Variants in THAP5 observed in about 807,000 individuals in gnomAD.
The protein encoded by THAP5 is THAP domain containing 5.
Under a neutral mutation model 34.0 loss-of-function variants are expected in THAP5, and 26 were observed. The observed-to-expected ratio is 0.77, with a 90% CI of 0.56 to 1.06. The LOEUF is 1.06. THAP5 is among the 50% of genes least tolerant of loss of function. The probability of loss-of-function intolerance (pLI) is 0.00; values close to 1 mark genes in which losing one functional copy is unlikely to be tolerated. For missense variants in THAP5, 394 were observed against 452.8 expected, an observed-to-expected ratio of 0.87 and a Z score of 1.18; for synonymous variants, 125 against 153.0, an observed-to-expected ratio of 0.82 and a Z score of 1.35.
chr7:108,543,663 A>C, the THAP5 span, among the ~76,000 whole-genome samples: 1 of 152,186 alleles, frequency 6.6e-6, no homozygotes, highest in Non-Finnish European at 1.5e-5. Context: ...TCTAGGTCTG[A>C]AATATCTCCC....
At chr7:108,555,438 G>C (rs950158178) in intron 1 of THAP5, among the ~76,000 whole-genome samples, 7 of 152,132 alleles carry the variant, frequency 4.6e-5, no homozygotes, top group Admixed American at 3.9e-4. Context: ...AAAGTGCTGG[G>C]ATTGCAGGCG....
chr7:108,549,089 TACACACACACACACACAC>T, the THAP5 span, among the ~76,000 whole-genome samples: 48 of 136,506 alleles, frequency 3.5e-4, no homozygotes, highest in Admixed American at 3.2e-3. Context: ...ACATGCTTAA[TACACACACACACACACAC>T]ACACACACAC....
chr7:108,567,425 A>T (rs1490499769), intron 1 of THAP5, among the ~76,000 whole-genome samples: 2 of 152,124 alleles, frequency 1.3e-5, no homozygotes, highest in African/African-American at 4.8e-5. Flanking sequence ...ATGTATATGG[A>T]TGCTGTTTGC....
At chr7:108,565,135 A>G in intron 2 of THAP5, 30 bp from the exon 3 acceptor site, 1 of 1,455,330 alleles carries the variant, frequency 6.9e-7, no homozygotes, top group Non-Finnish European at 9.1e-7. Context: ...TGTTCTGAAA[A>G]AGATGACTTT....
In THAP5 at chr7:108,562,191, C is replaced by A. The variant is rs1864441009; in HGVS notation, c.*2000G>T. 1 of 152,122 alleles carries A rather than the reference C, an allele frequency of 6.6e-6. No individual in the cohort carries two copies. The highest frequency in any genetic ancestry group is 2.4e-5 in the African/African-American group (1 of 41,432). 9.4% of individuals were successfully genotyped at this position (152,122 alleles called of 1,614,324 possible). On this transcript the variant is annotated 3_prime_UTR_variant, in exon 3 of 3. Transcript: ENST00000415914. Reference sequence around the variant, plus strand: ...GCTAGTTTAAATTTTTTCTGAGGAACCTGTAACTTTCAGAAAATTACTACA... The same window carrying A: ...GCTAGTTTAAATTTTTTCTGAGGAAACTGTAACTTTCAGAAAATTACTACA...
At chr7:108,550,061 T>A (rs1173709819), downstream of THAP5, among the ~76,000 whole-genome samples, 4 of 152,348 alleles carry the variant, frequency 2.6e-5, no homozygotes, top group South Asian at 2.1e-4. Context: ...ACAGTTTTTT[T>A]ATTTTCTTTT....
In THAP5 at chr7:108,565,886, G is replaced by A. The variant is rs776572969; in HGVS notation, c.217C>T (p.Arg73Ter). 7 of 1,548,296 alleles carry A rather than the reference G, an allele frequency of 4.5e-6. No homozygotes were observed. The highest frequency in any genetic ancestry group is 2.4e-5 in the East Asian group (1 of 40,876). The change falls in exon 2 of 3, where the codon CGA (arginine) becomes TGA (stop). Residue 73 changes from arginine to a stop codon, truncating the protein, a stop_gained. Transcript: ENST00000415914. LOFTEE classifies it high-confidence loss of function. ...PDSLDIRWGI[R>*]YLKQTAVPTI... is the part of the protein sequence containing the mutation. ...GGAACTGCAGTTTGTTTTAAATATC[G>A]AATACCCCATCTGATGTCAAGAGAG...
intron 2 of THAP5, 68 bp downstream of exon 2, chr7:108,565,762 A>C: frequency 7.8e-7 from 1 of 1,283,884 alleles, no homozygotes; most frequent in Non-Finnish European, 1.0e-6. Context: ...TTACTCTCCC[A>C]CCTGATCACC....
Position 108,566,034 on chromosome 7 carries a change from A to T in THAP5, c.81-12T>A, listed in dbSNP as rs73193452. ...CATGTAGAGGAAATCTGGAATTTAA[A>T]AAAAAAAGAAGAAAAAAGGAAAAAC... On this transcript the variant is annotated splice_polypyrimidine_tract_variant and intron_variant, in intron 1 of 2. Coordinates refer to ENST00000415914, the MANE Select transcript of THAP5 (RefSeq NM_001130475.3). 0.017 allele frequency: 25,890 copies of T among 1,495,854 alleles called. 281 individuals are homozygous for T. The highest frequency in any genetic ancestry group is 0.021 in the Non-Finnish European group (23,392 of 1,126,968). The allele number at this position is 1,495,854 out of a possible 1,614,324, so 92.7% of individuals were successfully genotyped here. A position where few individuals can be genotyped will look rare whatever the true frequency, so the allele number is the denominator to read the frequency against.
downstream of THAP5, among the ~76,000 whole-genome samples, chr7:108,561,753 T>C (rs1411825230): frequency 2.0e-5 from 3 of 152,176 alleles, no homozygotes; most frequent in Non-Finnish European, 4.4e-5. Flanking sequence ...TGGTCATGAA[T>C]TTATAATCAA....
At position 108,566,031 on chromosome 7, in the gene THAP5, T is replaced by TAA; in HGVS notation, c.81-11_81-10dup. The TAA allele has an allele frequency of 3.0e-6, 4 of 1,317,672 alleles. No individual in the cohort carries two copies. The highest frequency in any genetic ancestry group is 2.9e-5 in the East Asian group (1 of 34,342). 81.6% of individuals were successfully genotyped at this position (1,317,672 alleles called of 1,614,324 possible). A position where few individuals can be genotyped will look rare whatever the true frequency, so the allele number is the denominator to read the frequency against. ...TGTCATGTAGAGGAAATCTGGAATT[T>TAA]AAAAAAAAAAGAAGAAAAAAGGAAA... On this transcript the variant is annotated splice_polypyrimidine_tract_variant and intron_variant, in intron 1 of 2. Coordinates refer to ENST00000415914, the MANE Select transcript of THAP5 (RefSeq NM_001130475.3).
downstream of THAP5, among the ~76,000 whole-genome samples, chr7:108,559,694 G>C (rs1333400042): frequency 2.0e-5 from 3 of 152,178 alleles, no homozygotes; most frequent in African/African-American, 7.2e-5. Flanking sequence ...GGCTAGGGAG[G>C]CCTCAGGAAA....
chr7:108,564,338 A>T lies in THAP5; in HGVS notation c.1041T>A (p.Leu347=). The change falls in exon 3 of 3, where the codon CTT becomes CTA. Residue 347 remains leucine, a synonymous_variant. Transcript: ENST00000415914. Reference sequence around the variant, plus strand: ...GAGTTTGTTGCTCTTTTAACTCTAGAAGAGTTATCTTTGAATGTAGCTTAG... The same window carrying T: ...GAGTTTGTTGCTCTTTTAACTCTAGTAGAGTTATCTTTGAATGTAGCTTAG... The part of the protein sequence containing the change: ...KVSKLHSKIT[L]LELKEQQTLG... 6.2e-7 allele frequency: 1 copy of T among 1,613,820 alleles called. No individual in the cohort carries two copies. Among genetic ancestry groups the T allele is most frequent in the South Asian group, 1.1e-5 (1 of 91,072 alleles).
At chr7:108,558,597 C>T (rs1028201887), downstream of THAP5, among the ~76,000 whole-genome samples, 4 of 151,192 alleles carry the variant, frequency 2.6e-5, no homozygotes, top group Non-Finnish European at 4.4e-5. Context: ...GAGGTTTCAC[C>T]GTGTTGGTCA....
the THAP5 span, among the ~76,000 whole-genome samples, chr7:108,548,221 G>A: frequency 7.9e-5 from 12 of 152,318 alleles, no homozygotes; most frequent in African/African-American, 2.6e-4. Flanking sequence ...CTGTCTCAAT[G>A]TGGAGCCAGA....
chr7:108,566,131 C>T, intron 1 of THAP5, 109 bp from the exon 2 acceptor site: 1 of 871,456 alleles, frequency 1.1e-6, no homozygotes, highest in South Asian at 1.9e-5. Context: ...CAAGTAAGTA[C>T]TACAAGAGGA....
At chr7:108,550,408 A>G (rs1250889625), downstream of THAP5, among the ~76,000 whole-genome samples, 1 of 152,204 alleles carries the variant, frequency 6.6e-6, no homozygotes, top group Non-Finnish European at 1.5e-5. Flanking sequence ...TCCATCTGGA[A>G]ATACATGTTC....
At chr7:108,554,306 T>C (rs1336206543), downstream of THAP5, among the ~76,000 whole-genome samples, 1 of 152,218 alleles carries the variant, frequency 6.6e-6, no homozygotes, top group Non-Finnish European at 1.5e-5. Context: ...TTTCTCTTAA[T>C]AAAATATTGG....
At position 108,564,385 on chromosome 7, in the gene THAP5, CCTTA is replaced by C. The variant is rs750556702; in HGVS notation, c.990_993del (p.Asn330LysfsTer15). Reference sequence around the variant, plus strand: ...TTAGAGACTTTCTGCCAAAGATGTTCCTTATTTATATCTTGTCTGCAGTAAGAAT... The same window carrying C: ...TTAGAGACTTTCTGCCAAAGATGTTCTTTATATCTTGTCTGCAGTAAGAAT... On this transcript the variant is annotated frameshift_variant, in exon 3 of 3. Transcript: ENST00000415914. LOFTEE classifies it high-confidence loss of function. 1 of 1,613,708 alleles carries C rather than the reference CCTTA, an allele frequency of 6.2e-7. No individual in the cohort carries two copies. Among genetic ancestry groups the C allele is most frequent in the Non-Finnish European group, 8.5e-7 (1 of 1,179,838 alleles).
Sources: gnomAD v4.1 joint callset for allele counts (sites outside exome capture counted in the v4.1 genomes callset) on GRCh38, gnomAD v4.1.1 for gene constraint, MANE v1.5 for transcripts, NCBI Gene and HGNC (gene_info 2026-07-23, HGNC 2026-07-21) for gene names.